The following NINJ2 variants were observed in gnomAD, a reference collection of about 807,000 sequenced individuals.
NINJ2 encodes ninjurin-2.
A neutral mutation model predicts 11.7 loss-of-function variants in NINJ2; 12 were observed. The observed-to-expected ratio is 1.02, with a 90% CI of 0.66 to 1.66. The LOEUF (loss-of-function observed/expected upper bound fraction) is 1.66. Among genes scored for constraint, NINJ2 ranks in the 40% most tolerant of loss-of-function variants. The pLI, the probability that NINJ2 is intolerant of heterozygous loss-of-function variation, is 0.00. For missense variants in NINJ2, 187 were observed against 181.8 expected (o/e 1.03, Z -0.16); for synonymous variants, 93 against 76.8 (o/e 1.21, Z -1.10).
chr12:573,606 C>T (rs568091154), intron 1 of NINJ2, among the ~76,000 whole-genome samples: 1 of 148,446 alleles, frequency 6.7e-6, no homozygotes, highest in South Asian at 2.1e-4. Context: ...AAACAAAAAA[C>T]AAACAAACAA....
intron 1 of NINJ2, among the ~76,000 whole-genome samples, chr12:602,718 C>T (rs1396946914): frequency 6.6e-6 from 1 of 152,216 alleles, no homozygotes; most frequent in Non-Finnish European, 1.5e-5. Context: ...TGCATTCCAG[C>T]CAGTAAAGTA....
intron 1 of NINJ2, among the ~76,000 whole-genome samples, chr12:570,037 T>A (rs2120790957): frequency 6.6e-6 from 1 of 152,254 alleles, no homozygotes; most frequent in South Asian, 2.1e-4. Flanking sequence ...CCTGGACCCC[T>A]CCGAGGCCCA....
chr12:638,894 G>C (rs1361846517), intron 1 of NINJ2, among the ~76,000 whole-genome samples: 1 of 152,080 alleles, frequency 6.6e-6, no homozygotes, highest in Non-Finnish European at 1.5e-5. Context: ...CATTACATCA[G>C]TATCAATCGG....
intron 1 of NINJ2, among the ~76,000 whole-genome samples, chr12:618,909 C>T (rs1948123372): frequency 6.6e-6 from 1 of 152,228 alleles, no homozygotes; most frequent in South Asian, 2.1e-4. Flanking sequence ...CCTCTCAGAG[C>T]TCTCAGAGAG....
rs755323408 is a variant in NINJ2, at chr12:565,958, A to G, written c.254T>C (p.Val85Ala). 5.5e-5 allele frequency: 88 copies of G among 1,614,030 alleles called. No individual in the cohort carries two copies. The highest frequency in any genetic ancestry group is 7.4e-5 in the Non-Finnish European group (87 of 1,179,974). Residue 85 changes from valine to alanine, a missense_variant, in exon 2 of 4, where the codon GTG becomes GCG. Physicochemically the swap from Val to Ala is moderately conservative, Grantham distance 64 (BLOSUM62 0). Coordinates refer to ENST00000305108, the MANE Select transcript of NINJ2 (RefSeq NM_016533.6). ...CAGGCTGGGCTCCTCACCAATGACCACGAGCAGGACACCGATGACCACCTG... is the reference window on the plus strand; with the variant it reads ...CAGGCTGGGCTCCTCACCAATGACCGCGAGCAGGACACCGATGACCACCTG... The part of the protein sequence containing the change: ...LLQVVIGVLL[V>A]VIARLNLNEV...
Position 660,015 on chromosome 12 carries a change from T to G in NINJ2, c.33+3313A>C, listed in dbSNP as rs59593338. 3.8e-3 allele frequency among the ~76,000 whole-genome samples: 580 copies of G among 152,280 alleles called. 9 individuals carry two copies. Among genetic ancestry groups the G allele is most frequent in the African/African-American group, 0.013 (543 of 41,554 alleles). On this transcript the variant is annotated intron_variant, in intron 1 of 3. Transcript: ENST00000305108. ...AAAATGTTGGAATTGCCTGGACATG[T>G]GGCTCATGCCTGTAATCCCAACACT...
At chr12:578,193 G>A (rs890108544) in intron 1 of NINJ2, among the ~76,000 whole-genome samples, 2 of 152,116 alleles carry the variant, frequency 1.3e-5, no homozygotes, top group Admixed American at 6.5e-5. Context: ...ACCCTCTCAC[G>A]CGGACCCCCT....
In NINJ2 at chr12:662,703, C is replaced by T. The variant is rs189006379; in HGVS notation, c.33+625G>A. Among the ~76,000 whole-genome samples, 36 of 152,298 alleles carry T rather than the reference C, an allele frequency of 2.4e-4. No homozygotes were observed. The East Asian group carries it at 5.6e-3, about 24-fold the overall frequency. ...CTCTCCTCTCACCGTAACATCCCAC[C>T]CTTTCCCCTCCAGCAGTGGACTGGA... On this transcript the variant is annotated intron_variant, in intron 1 of 3. Transcript: ENST00000305108.
At chr12:570,476 G>A (rs973540009) in intron 1 of NINJ2, among the ~76,000 whole-genome samples, 14 of 152,308 alleles carry the variant, frequency 9.2e-5, no homozygotes, top group African/African-American at 3.4e-4. Context: ...ACTCCACAGG[G>A]GTCAGGGTGA....
chr12:589,275 A>C (rs1364226103), intron 1 of NINJ2, among the ~76,000 whole-genome samples: 2 of 152,254 alleles, frequency 1.3e-5, no homozygotes, highest in Admixed American at 1.3e-4. Context: ...CAAAACAAAA[A>C]GAATGAGGTA....
intron 1 of NINJ2, among the ~76,000 whole-genome samples, chr12:620,855 C>T (rs1426930726): frequency 1.3e-5 from 2 of 152,140 alleles, no homozygotes; most frequent in African/African-American, 4.8e-5. Flanking sequence ...GTCTTAAACT[C>T]CTGACCTCAG....
intron 1 of NINJ2, among the ~76,000 whole-genome samples, chr12:613,173 T>C (rs1475122053): frequency 6.6e-6 from 1 of 152,182 alleles, no homozygotes; most frequent in Non-Finnish European, 1.5e-5. Context: ...CTAGGAATAG[T>C]TTCCCCATGC....
chr12:634,276 T>TTTTTTTTTTTTTTTTG (rs755297351), intron 1 of NINJ2, among the ~76,000 whole-genome samples: 1 of 125,726 alleles, frequency 8.0e-6, no homozygotes, highest in Non-Finnish European at 1.7e-5. Flanking sequence ...TTTTTTTTTT[T>TTTTTTTTTTTTTTTTG]TTTTTTTTTT....
chr12:610,473 G>C (rs1948014061), intron 1 of NINJ2: 2 of 1,533,532 alleles, frequency 1.3e-6, no homozygotes, highest in Non-Finnish European at 1.7e-6. Flanking sequence ...AGAGGAAAAG[G>C]GTCAGCGAGC....
chr12:575,660 C>T (rs1025265310), intron 1 of NINJ2, among the ~76,000 whole-genome samples: 9 of 152,222 alleles, frequency 5.9e-5, no homozygotes, highest in Non-Finnish European at 1.3e-4. Flanking sequence ...AGGCCTGAGT[C>T]TCCATGGAGC....
chr12:654,693 AG>A (rs1396048748), intron 1 of NINJ2, among the ~76,000 whole-genome samples: 1 of 137,474 alleles, frequency 7.3e-6, no homozygotes, highest in Admixed American at 7.2e-5. Context: ...TGGGAGTTCA[AG>A]ACAAGCCTGA....
chr12:598,288 G>A (rs558755226), intron 1 of NINJ2, among the ~76,000 whole-genome samples: 1 of 152,350 alleles, frequency 6.6e-6, no homozygotes, highest in Admixed American at 6.5e-5. Flanking sequence ...CACCGAGGGG[G>A]TAAGTGCGGA....
intron 1 of NINJ2, chr12:590,698 A>C (rs1333602418): frequency 6.6e-6 from 1 of 152,012 alleles, no homozygotes; most frequent in East Asian, 1.9e-4. Flanking sequence ...GGACACTAGC[A>C]CTTACTATCA....
chr12:595,900 A>G (rs1051233238), intron 1 of NINJ2, among the ~76,000 whole-genome samples: 1 of 152,278 alleles, frequency 6.6e-6, no homozygotes, highest in Non-Finnish European at 1.5e-5. Flanking sequence ...CAATGAAGAC[A>G]TAAAATGGCA....
Sources: allele counts gnomAD v4.1 joint callset (sites outside exome capture counted in the v4.1 genomes callset), GRCh38; gene constraint gnomAD v4.1.1; transcripts MANE v1.5; gene names NCBI Gene and HGNC (gene_info 2026-07-23, HGNC 2026-07-21).